PACS1: variants seen among roughly 807,000 people sequenced by gnomAD.
PACS1 encodes the protein phosphofurin acidic cluster sorting protein 1.
Under a neutral mutation model 115.0 loss-of-function variants are expected in PACS1, and 24 were observed. The observed-to-expected ratio is 0.21, with a 90% confidence interval of 0.15 to 0.29. The LOEUF is 0.29. Ranked by LOEUF, PACS1 falls within the 10% of genes least tolerant of loss-of-function variation. The pLI, the probability that PACS1 is intolerant of heterozygous loss-of-function variation, is 1.00. For missense variants in PACS1, 838 were observed against 1,251.2 expected (o/e 0.67, Z 4.98); for synonymous variants, 453 against 504.5 (o/e 0.90, Z 1.37).
intron 1 of PACS1, among the ~76,000 whole-genome samples, chr11:66,102,572 A>G (rs1421872304): frequency 6.6e-6 from 1 of 151,532 alleles, no homozygotes; most frequent in Non-Finnish European, 1.5e-5. Context: ...TGATCTGTCT[A>G]CCTTGGCCTC....
chr11:66,101,775 G>A (rs555274991), intron 1 of PACS1, among the ~76,000 whole-genome samples: 2 of 152,286 alleles, frequency 1.3e-5, no homozygotes, highest in African/African-American at 4.8e-5. Flanking sequence ...GTGAGTCCAA[G>A]GATAGGACTG....
chr11:66,231,439 A>G (rs937893571), intron 13 of PACS1, among the ~76,000 whole-genome samples: 1 of 152,228 alleles, frequency 6.6e-6, no homozygotes, highest in African/African-American at 2.4e-5. Context: ...AGAAGAAGTC[A>G]GAAGAACTGG....
At chr11:66,230,154 G>GA (rs1267510904) in intron 11 of PACS1, among the ~76,000 whole-genome samples, 11 of 111,944 alleles carry the variant, frequency 9.8e-5, no homozygotes, top group African/African-American at 1.3e-4. Flanking sequence ...AAAAAAAAAA[G>GA]AAAAAAAAAA....
At chr11:66,116,624 G>A (rs72934655) in intron 1 of PACS1, among the ~76,000 whole-genome samples, 4,299 of 152,304 alleles carry the variant, frequency 0.028, 78 homozygotes, top group South Asian at 0.068. Flanking sequence ...TGGGCACAGT[G>A]GCTCACGCCT....
At chr11:66,107,956 T>A (rs1349088992) in intron 1 of PACS1, among the ~76,000 whole-genome samples, 1 of 152,210 alleles carries the variant, frequency 6.6e-6, no homozygotes, top group Non-Finnish European at 1.5e-5. Flanking sequence ...AGTCCTGACC[T>A]TGCCTTGATG....
chr11:66,233,742 T>C lies in PACS1; in HGVS notation c.1839-43T>C. On this transcript the variant is annotated intron_variant, in intron 15 of 23. Transcript: ENST00000320580. This position sits in a 1 kb window ranked among gnomAD's most constrained non-coding sequence, Gnocchi z 4.5. ...TCTGGGCCTCCCCCGGGCAGGATCC[T>C]GGCACCCCTGAGCACTGCTATGACG... The C allele has an allele frequency of 6.4e-7, 1 of 1,561,204 alleles. No homozygotes were observed. The highest frequency in any genetic ancestry group is 1.2e-5 in the South Asian group (1 of 83,852).
At chr11:66,120,941 T>C in intron 1 of PACS1, 1 of 451,712 alleles carries the variant, frequency 2.2e-6, no homozygotes, top group Non-Finnish European at 4.5e-6. Context: ...ACAGGGCCTG[T>C]GCACGCCTCT....
chr11:66,140,797 C>T (rs1000624829), intron 1 of PACS1, among the ~76,000 whole-genome samples: 7 of 151,986 alleles, frequency 4.6e-5, no homozygotes, highest in Non-Finnish European at 7.4e-5. Context: ...GTGTCTCTTT[C>T]TCACCTTAAA....
intron 2 of PACS1, among the ~76,000 whole-genome samples, chr11:66,202,726 G>GGGGAAAAAAAAAAAAAAAAAAA (rs1554988658): frequency 9.1e-5 from 1 of 10,964 alleles, no homozygotes; most frequent in African/African-American, 2.4e-4. Context: ...TCATCTCTAG[G>GGGGAAAAAAAAAAAAAAAAAAA]AAAAAAAAAA....
rs1186455991 is a variant in PACS1, at chr11:66,070,511, G to C, written c.25G>C (p.Gly9Arg). The C allele has an allele frequency of 7.6e-7, 1 of 1,308,712 alleles. No homozygotes were observed. Among genetic ancestry groups the C allele is most frequent in the East Asian group, 3.2e-5 (1 of 31,424 alleles). The allele number at this position is 1,308,712 out of a possible 1,614,324, so 81.1% of individuals were successfully genotyped here. A position where few individuals can be genotyped will look rare whatever the true frequency, so the allele number is the denominator to read the frequency against. The change falls in exon 1 of 24, where the codon GGT becomes CGT. Residue 9 changes from glycine (G) to arginine (R), a missense_variant. By Grantham distance (125) the Gly-to-Arg change is moderately radical. Transcript: ENST00000320580. This position sits in a 1 kb window ranked among gnomAD's most constrained non-coding sequence, Gnocchi z 5.9. MAERGGAGGGPGGAGGGSG... is the reference protein window; with the variant it reads MAERGGAGRGPGGAGGGSG... The stretch of plus-strand genomic sequence containing the variant: ...CATGGCGGAACGCGGAGGGGCGGGC[G>C]GTGGTCCCGGAGGCGCCGGGGGCGG...
rs1013998085 is a variant in PACS1 at position 66,235,463 on chromosome 11, G to A, written c.2207+60G>A. On this transcript the variant is annotated intron_variant, in intron 18 of 23. Coordinates refer to ENST00000320580, the MANE Select transcript of PACS1 (RefSeq NM_018026.4). This position sits in a 1 kb window ranked among gnomAD's most constrained non-coding sequence, Gnocchi z 5.6. ...GTTGGGTGGGTTAGAGGAATCTTGA[G>A]TCTTCCTTGCTTTCTCACATTTTCC... The A allele has an allele frequency of 1.7e-6, 2 of 1,187,590 alleles. No homozygotes were observed. The highest frequency in any genetic ancestry group is 3.0e-5 in the African/African-American group (2 of 66,688). The allele number at this position is 1,187,590 out of a possible 1,614,324, so 73.6% of individuals were successfully genotyped here.
chr11:66,091,366 T>C (rs1027439047), intron 1 of PACS1, among the ~76,000 whole-genome samples: 2 of 151,954 alleles, frequency 1.3e-5, no homozygotes. Flanking sequence ...GTCTTGAACT[T>C]CTGAGCTCAA....
At chr11:66,221,024 TC>T in intron 9 of PACS1, 129 bp from the exon 10 acceptor site, 1 of 952,402 alleles carries the variant, frequency 1.0e-6, no homozygotes, top group East Asian at 2.4e-5. Flanking sequence ...ACCCTGCACT[TC>T]CCTGCTCACC....
Position 66,235,984 on chromosome 11 carries a change from G to C in PACS1, c.2250+44G>C, listed in dbSNP as rs1855696083. On this transcript the variant is annotated intron_variant, in intron 19 of 23. Coordinates refer to ENST00000320580, the MANE Select transcript of PACS1 (RefSeq NM_018026.4). The surrounding 1 kb of genome is among the most constrained non-coding windows in gnomAD (Gnocchi z 5.6). Reference sequence around the variant, plus strand: ...TGCTTGGCACCCCACCCGTTCTCCTGGTCTTCCTGTTCCCCCTTACACAGG... The same window carrying C: ...TGCTTGGCACCCCACCCGTTCTCCTCGTCTTCCTGTTCCCCCTTACACAGG... 2 of 1,543,982 alleles carry C rather than the reference G, an allele frequency of 1.3e-6. No homozygotes were observed. The highest frequency in any genetic ancestry group is 1.8e-6 in the Non-Finnish European group (2 of 1,116,018).
chr11:66,096,183 CTGGT>C (rs1191961003), intron 1 of PACS1, among the ~76,000 whole-genome samples: 1 of 150,390 alleles, frequency 6.6e-6, no homozygotes, highest in African/African-American at 2.5e-5. Context: ...GCCACCATGC[CTGGT>C]TTTCTTTTTA....
intron 1 of PACS1, among the ~76,000 whole-genome samples, chr11:66,123,000 C>T (rs1012672339): frequency 6.6e-6 from 1 of 152,148 alleles, no homozygotes; most frequent in African/African-American, 2.4e-5. Context: ...GTATTGCATA[C>T]TTTAGAGAAA....
intron 8 of PACS1, 63 bp downstream of exon 8, chr11:66,219,868 C>G: frequency 8.9e-7 from 1 of 1,123,930 alleles, no homozygotes; most frequent in South Asian, 1.2e-5. Flanking sequence ...CCCAGCATCC[C>G]TGGAGTACAC....
At position 66,219,730 on chromosome 11, in the gene PACS1, C is replaced by A; in HGVS notation, c.979-16C>A. 2 of 1,609,838 alleles carry A rather than the reference C, an allele frequency of 1.2e-6. No homozygotes were observed. Among genetic ancestry groups the A allele is most frequent in the Non-Finnish European group, 1.7e-6 (2 of 1,176,266 alleles). Reference sequence around the variant, plus strand: ...GTGGACGTTGCTGAGAACTGTCATGCGATTTGTCCCTACAGCAACCTAACA... The same window carrying A: ...GTGGACGTTGCTGAGAACTGTCATGAGATTTGTCCCTACAGCAACCTAACA... On this transcript the variant is annotated splice_polypyrimidine_tract_variant and intron_variant, in intron 7 of 23. Transcript: ENST00000320580.
intron 19 of PACS1, chr11:66,238,490 CTTAT>C (rs1855746999): frequency 3.5e-6 from 1 of 288,500 alleles, no homozygotes. Context: ...TTTTTATTTA[CTTAT>C]TTATTTGATG....
Sources: gnomAD v4.1 joint callset for allele counts (sites outside exome capture counted in the v4.1 genomes callset) on GRCh38, gnomAD v4.1.1 for gene constraint, Gnocchi (gnomAD v3.1) non-coding constraint, MANE v1.5 for transcripts, NCBI Gene and HGNC (gene_info 2026-07-23, HGNC 2026-07-21) for gene names.